C6orf47: variants seen among roughly 807,000 people sequenced by gnomAD.
C6orf47 encodes the protein chromosome 6 open reading frame 47, also known as uncharacterized protein C6orf47.
A neutral mutation model predicts 5.6 loss-of-function variants in C6orf47; 1 was observed. That is an observed-to-expected ratio of 0.18 (90% CI 0.06 to 0.85). The LOEUF (loss-of-function observed/expected upper bound fraction) is 0.85. Ranked by LOEUF, C6orf47 falls within the 40% of genes least tolerant of loss-of-function variation. The probability of loss-of-function intolerance (pLI) is 0.70; values close to 1 mark genes in which losing one functional copy is unlikely to be tolerated. For synonymous variants in C6orf47, 149 were observed against 161.7 expected (o/e 0.92, Z 0.60); for missense variants, 323 against 367.1 (o/e 0.88, Z 0.98).
rs764913985 is a variant in C6orf47 at position 31,659,012 on chromosome 6, A to T, written c.*51T>A. ...GCTTACAATTTGGGTCATGCCTCAC[A>T]CTTTTCTCCTAAAGCCCACACTCTC... On this transcript the variant is annotated 3_prime_UTR_variant, in exon 1 of 1. Transcript: ENST00000375911. The surrounding 1 kb of genome is among the most constrained non-coding windows in gnomAD (Gnocchi z 5.6). 1 of 1,569,050 alleles carries T rather than the reference A, an allele frequency of 6.4e-7. No homozygotes were observed. The highest frequency in any genetic ancestry group is 1.2e-5 in the South Asian group (1 of 85,958).
In C6orf47 at chr6:31,659,471, C is replaced by T; in HGVS notation, c.477G>A (p.Arg159=). ...GRREKLLGWL[R]GEPGAPSRYL... is the part of the protein sequence containing the mutation. ...ACCGGGAGGGAGCTCCTGGTTCCCC[C>T]CGCAGCCAGCCCAACAGCTTCTCAC... The change falls in exon 1 of 1, where the codon CGG becomes CGA. Residue 159 remains arginine, a synonymous_variant. Coordinates refer to ENST00000375911, the MANE Select transcript of C6orf47 (RefSeq NM_021184.4). This position sits in a 1 kb window ranked among gnomAD's most constrained non-coding sequence, Gnocchi z 5.6. 2 of 1,613,128 alleles carry T rather than the reference C, an allele frequency of 1.2e-6. No homozygotes were observed. The highest frequency in any genetic ancestry group is 1.7e-6 in the Non-Finnish European group (2 of 1,180,040).
In C6orf47 at chr6:31,659,672, C is replaced by T; in HGVS notation, c.276G>A (p.Lys92=). The change falls in exon 1 of 1, where the codon AAG becomes AAA. Residue 92 remains lysine, a synonymous_variant. Transcript: ENST00000375911. This position sits in a 1 kb window ranked among gnomAD's most constrained non-coding sequence, Gnocchi z 5.6. Reference sequence around the variant, plus strand: ...GAGTGCTAGAGATAGGCTGGTCCCACTTGAGGGAATCCATTCTTTTGCTCC... The same window carrying T: ...GAGTGCTAGAGATAGGCTGGTCCCATTTGAGGGAATCCATTCTTTTGCTCC... ...QLGSKRMDSL[K]WDQPISSTQE... 1 of 1,612,976 alleles carries T rather than the reference C, an allele frequency of 6.2e-7. No homozygotes were observed. Among genetic ancestry groups the T allele is most frequent in the Non-Finnish European group, 8.5e-7 (1 of 1,179,994 alleles).
At position 31,659,007 on chromosome 6, in the gene C6orf47, C is replaced by A; in HGVS notation, c.*56G>T. The A allele has an allele frequency of 1.3e-6, 2 of 1,565,208 alleles. No individual in the cohort carries two copies. Among genetic ancestry groups the A allele is most frequent in the Non-Finnish European group, 1.7e-6 (2 of 1,150,744 alleles). On this transcript the variant is annotated 3_prime_UTR_variant, in exon 1 of 1. Transcript: ENST00000375911. This position sits in a 1 kb window ranked among gnomAD's most constrained non-coding sequence, Gnocchi z 5.6. ...CCTATGCTTACAATTTGGGTCATGC[C>A]TCACACTTTTCTCCTAAAGCCCACA... is the stretch of plus-strand genomic sequence containing the variant.
Position 31,660,007 on chromosome 6 carries a change from C to T in C6orf47, c.-60G>A, listed in dbSNP as rs1800644208. Reference sequence around the variant, plus strand: ...GCTGCTTCCTGGCACTACTCAGACTCTCAGGATCTCCTCAGAAGCCAGAGT... The same window carrying T: ...GCTGCTTCCTGGCACTACTCAGACTTTCAGGATCTCCTCAGAAGCCAGAGT... On this transcript the variant is annotated 5_prime_UTR_variant, in exon 1 of 1. Transcript: ENST00000375911. This position sits in a 1 kb window ranked among gnomAD's most constrained non-coding sequence, Gnocchi z 4.7. 1.4e-6 allele frequency: 2 copies of T among 1,480,104 alleles called. No individual in the cohort carries two copies. The highest frequency in any genetic ancestry group is 1.4e-5 in the African/African-American group (1 of 70,784). The allele number at this position is 1,480,104 out of a possible 1,614,324, so 91.7% of individuals were successfully genotyped here. A position where few individuals can be genotyped will look rare whatever the true frequency, so the allele number is the denominator to read the frequency against.
At position 31,660,057 on chromosome 6, in the gene C6orf47, G is replaced by T. The variant is rs944759317; in HGVS notation, c.-110C>A. 2 of 1,248,040 alleles carry T rather than the reference G, an allele frequency of 1.6e-6. No homozygotes were observed. The highest frequency in any genetic ancestry group is 1.5e-5 in the African/African-American group (1 of 65,458). The allele number at this position is 1,248,040 out of a possible 1,614,324, so 77.3% of individuals were successfully genotyped here. On this transcript the variant is annotated 5_prime_UTR_variant, in exon 1 of 1. Transcript: ENST00000375911. The surrounding 1 kb of genome is among the most constrained non-coding windows in gnomAD (Gnocchi z 4.7). ...TCTTTCTGGCTCAGAACAGGTATTT[G>T]CCTGGTGATGCAGTCCTACTCTGAA...
chr6:31,659,782 G>A lies in C6orf47; in HGVS notation c.166C>T (p.Pro56Ser). 6.2e-7 allele frequency: 1 copy of A among 1,613,068 alleles called. No individual in the cohort carries two copies. The highest frequency in any genetic ancestry group is 1.3e-5 in the African/African-American group (1 of 75,042). ...AATGCCCCCGAGTCCTTAGTCTTGGGATGCCCCACATCTTCCATGGTTTCT... is the reference window on the plus strand; with the variant it reads ...AATGCCCCCGAGTCCTTAGTCTTGGAATGCCCCACATCTTCCATGGTTTCT... Reference protein sequence around the residue: ...APETMEDVGHPKTKDSGALRV... With the variant: ...APETMEDVGHSKTKDSGALRV... Residue 56 changes from proline (P) to serine (S), a missense_variant, in exon 1 of 1, where the codon CCC (proline) becomes TCC (serine). Pro to Ser is a moderately conservative substitution (Grantham distance 74, BLOSUM62 -1). Transcript: ENST00000375911. The surrounding 1 kb of genome is among the most constrained non-coding windows in gnomAD (Gnocchi z 5.6).
At position 31,659,848 on chromosome 6, in the gene C6orf47, T is replaced by C; in HGVS notation, c.100A>G (p.Ser34Gly). Residue 34 changes from serine (S) to glycine (G), a missense_variant, in exon 1 of 1, where the codon AGC becomes GGC. By Grantham distance (56) the Ser-to-Gly change is moderately conservative (BLOSUM62 0). Transcript: ENST00000375911. This position sits in a 1 kb window ranked among gnomAD's most constrained non-coding sequence, Gnocchi z 5.6. ...PPYPEPRRVDSSSENSGSDWD... is the reference protein window; with the variant it reads ...PPYPEPRRVDGSSENSGSDWD... Reference sequence around the variant, plus strand: ...TCACTTCCTGAATTCTCCGAGGAGCTGTCCACCCGTCTGGGTTCTGGGTAA... The same window carrying C: ...TCACTTCCTGAATTCTCCGAGGAGCCGTCCACCCGTCTGGGTTCTGGGTAA... 6.2e-7 allele frequency: 1 copy of C among 1,612,878 alleles called. No homozygotes were observed. Among genetic ancestry groups the C allele is most frequent in the South Asian group, 1.1e-5 (1 of 91,010 alleles).
Position 31,659,472 on chromosome 6 carries a change from C to A in C6orf47, c.476G>T (p.Arg159Leu). The change falls in exon 1 of 1, where the codon CGG becomes CTG. Residue 159 changes from arginine (R) to leucine (L), a missense_variant. Coordinates refer to ENST00000375911, the MANE Select transcript of C6orf47 (RefSeq NM_021184.4). The surrounding 1 kb of genome is among the most constrained non-coding windows in gnomAD (Gnocchi z 5.6). ...GRREKLLGWL[R>L]GEPGAPSRYL... is the part of the protein sequence containing the mutation. ...CCGGGAGGGAGCTCCTGGTTCCCCC[C>A]GCAGCCAGCCCAACAGCTTCTCACG... 6.2e-7 allele frequency: 1 copy of A among 1,613,122 alleles called. No individual in the cohort carries two copies. Among genetic ancestry groups the A allele is most frequent in the Non-Finnish European group, 8.5e-7 (1 of 1,180,036 alleles).
chr6:31,660,178 A>T lies in C6orf47; in HGVS notation c.-231T>A. On this transcript the variant is annotated 5_prime_UTR_variant, in exon 1 of 1. Transcript: ENST00000375911. The surrounding 1 kb of genome is among the most constrained non-coding windows in gnomAD (Gnocchi z 4.7). ...TCAGTTCTGGGGTAAAGGGGGGCAT[A>T]CCCAAATTCATTCACCATCCACACC... 2 of 558,984 alleles carry T rather than the reference A, an allele frequency of 3.6e-6. No individual in the cohort carries two copies. Among genetic ancestry groups the T allele is most frequent in the Non-Finnish European group, 3.2e-6 (1 of 311,696 alleles). 34.6% of individuals were successfully genotyped at this position (558,984 alleles called of 1,614,324 possible).
rs805263 is a variant in C6orf47, at chr6:31,660,336, A to C, written c.-389T>G. 0.049 allele frequency: 12,058 copies of C among 247,134 alleles called. 513 individuals are homozygous for C. Among genetic ancestry groups the C allele is most frequent in the African/African-American group, 0.13 (5,578 of 43,918 alleles). The allele number at this position is 247,134 out of a possible 1,614,324, so 15.3% of individuals were successfully genotyped here. Reference sequence around the variant, plus strand: ...TTTCACTCACCAAGGCCACACCCCAAGGTGTCCCAGAAACTGGGGAGGCAG... The same window carrying C: ...TTTCACTCACCAAGGCCACACCCCACGGTGTCCCAGAAACTGGGGAGGCAG... On this transcript the variant is annotated 5_prime_UTR_variant, in exon 1 of 1. Transcript: ENST00000375911. This position sits in a 1 kb window ranked among gnomAD's most constrained non-coding sequence, Gnocchi z 4.7.
rs376472034 is a variant in C6orf47 at position 31,659,137 on chromosome 6, C to T, written c.811G>A (p.Ala271Thr). 6.2e-7 allele frequency: 1 copy of T among 1,613,094 alleles called. No homozygotes were observed. Among genetic ancestry groups the T allele is most frequent in the Non-Finnish European group, 8.5e-7 (1 of 1,180,036 alleles). Residue 271 changes from alanine (A) to threonine (T), a missense_variant, in exon 1 of 1, where the codon GCC becomes ACC. Physicochemically the swap from Ala to Thr is moderately conservative, Grantham distance 58. Transcript: ENST00000375911. The surrounding 1 kb of genome is among the most constrained non-coding windows in gnomAD (Gnocchi z 5.6). ...SLREPNGDEA[A>T]TDWESEGLER... is the part of the protein sequence containing the mutation. ...AACCCCTCACTCTCCCAGTCAGTGG[C>T]CGCCTCATCCCCATTGGGCTCCCGG...
At position 31,660,137 on chromosome 6, in the gene C6orf47, G is replaced by C. The variant is rs892672059; in HGVS notation, c.-190C>G. The C allele has an allele frequency of 1.0e-5, 7 of 697,232 alleles. No individual in the cohort carries two copies. Among genetic ancestry groups the C allele is most frequent in the Non-Finnish European group, 1.7e-5 (7 of 422,218 alleles). 43.2% of individuals were successfully genotyped at this position (697,232 alleles called of 1,614,324 possible). A position where few individuals can be genotyped will look rare whatever the true frequency, so the allele number is the denominator to read the frequency against. On this transcript the variant is annotated 5_prime_UTR_variant, in exon 1 of 1. It introduces an in-frame stop codon into an upstream open reading frame of the 5' UTR. Transcript: ENST00000375911. This position sits in a 1 kb window ranked among gnomAD's most constrained non-coding sequence, Gnocchi z 4.7. ...AGTCATGCAGCCTCAAGTGTGGCAA[G>C]TAGTTTGCTTCCTCTTCAGTTCTGG... is the stretch of plus-strand genomic sequence containing the variant.
Position 31,659,658 on chromosome 6 carries a change from A to G in C6orf47, c.290T>C (p.Ile97Thr). The G allele has an allele frequency of 6.2e-7, 1 of 1,613,018 alleles. No individual in the cohort carries two copies. The highest frequency in any genetic ancestry group is 1.7e-5 in the Admixed American group (1 of 60,018). Residue 97 changes from isoleucine to threonine, a missense_variant, in exon 1 of 1, where the codon ATC becomes ACC. Physicochemically the swap from Ile to Thr is moderately conservative, Grantham distance 89. Coordinates refer to ENST00000375911, the MANE Select transcript of C6orf47 (RefSeq NM_021184.4). The surrounding 1 kb of genome is among the most constrained non-coding windows in gnomAD (Gnocchi z 5.6). ...RMDSLKWDQP[I>T]SSTQESGRLE... is the part of the protein sequence containing the mutation. ...TCTCCCAGACTCTTGAGTGCTAGAG[A>G]TAGGCTGGTCCCACTTGAGGGAATC... is the stretch of plus-strand genomic sequence containing the variant.
In C6orf47 at chr6:31,660,768, G is replaced by A. The variant is rs1026140938; in HGVS notation, c.-821C>T. 1 of 157,540 alleles carries A rather than the reference G, an allele frequency of 6.3e-6. No homozygotes were observed. The highest frequency in any genetic ancestry group is 1.5e-5 in the Non-Finnish European group (1 of 68,106). 9.8% of individuals were successfully genotyped at this position (157,540 alleles called of 1,614,324 possible). A position where few individuals can be genotyped will look rare whatever the true frequency, so the allele number is the denominator to read the frequency against. Reference sequence around the variant, plus strand: ...GGAGCCGCGAAGCCCGGAAGCAGCTGCACCAGGACTGGAAGGACCCGCGGG... The same window carrying A: ...GGAGCCGCGAAGCCCGGAAGCAGCTACACCAGGACTGGAAGGACCCGCGGG... On this transcript the variant is annotated 5_prime_UTR_variant, in exon 1 of 1. Transcript: ENST00000375911. The surrounding 1 kb of genome is among the most constrained non-coding windows in gnomAD (Gnocchi z 4.7).
Position 31,659,134 on chromosome 6 carries a change from T to G in C6orf47, c.814A>C (p.Thr272Pro). ...TCCAACCCCTCACTCTCCCAGTCAG[T>G]GGCCGCCTCATCCCCATTGGGCTCC... Reference protein sequence around the residue: ...LREPNGDEAATDWESEGLERE... With the variant: ...LREPNGDEAAPDWESEGLERE... The change falls in exon 1 of 1, where the codon ACT (threonine) becomes CCT (proline). Residue 272 changes from threonine to proline, a missense_variant. Coordinates refer to ENST00000375911, the MANE Select transcript of C6orf47 (RefSeq NM_021184.4). The surrounding 1 kb of genome is among the most constrained non-coding windows in gnomAD (Gnocchi z 5.6). 1 of 1,613,048 alleles carries G rather than the reference T, an allele frequency of 6.2e-7. No homozygotes were observed. The highest frequency in any genetic ancestry group is 1.3e-5 in the African/African-American group (1 of 75,032).
In C6orf47 at chr6:31,659,440, C is replaced by A. The variant is rs1227401478; in HGVS notation, c.508G>T (p.Gly170Trp). Residue 170 changes from glycine to tryptophan, a missense_variant, in exon 1 of 1, where the codon GGG becomes TGG. Physicochemically the swap from Gly to Trp is radical, Grantham distance 184 (BLOSUM62 -2). Transcript: ENST00000375911. The surrounding 1 kb of genome is among the most constrained non-coding windows in gnomAD (Gnocchi z 5.6). ...GEPGAPSRYL[G>W]GPEECLQIST... Reference sequence around the variant, plus strand: ...ATCTGCAGACACTCTTCTGGGCCCCCCAAGTACCGGGAGGGAGCTCCTGGT... The same window carrying A: ...ATCTGCAGACACTCTTCTGGGCCCCACAAGTACCGGGAGGGAGCTCCTGGT... 6.2e-7 allele frequency: 1 copy of A among 1,612,806 alleles called. No individual in the cohort carries two copies. Among genetic ancestry groups the A allele is most frequent in the African/African-American group, 1.3e-5 (1 of 74,878 alleles).
At position 31,659,359 on chromosome 6, in the gene C6orf47, G is replaced by A. The variant is rs758680045; in HGVS notation, c.589C>T (p.Leu197=). The A allele has an allele frequency of 2.7e-5, 43 of 1,613,018 alleles. No homozygotes were observed. The highest frequency in any genetic ancestry group is 3.2e-5 in the Non-Finnish European group (38 of 1,180,052). The change falls in exon 1 of 1, where the codon CTG becomes TTG. Residue 197 remains leucine, a synonymous_variant. Coordinates refer to ENST00000375911, the MANE Select transcript of C6orf47 (RefSeq NM_021184.4). The surrounding 1 kb of genome is among the most constrained non-coding windows in gnomAD (Gnocchi z 5.6). ...GCTGCCCGCAGTGGTCGTGAGCACAGGGCCAGCAGGGCAGAGGCCAGCAGC... is the reference window on the plus strand; with the variant it reads ...GCTGCCCGCAGTGGTCGTGAGCACAAGGCCAGCAGGGCAGAGGCCAGCAGC... ...LELLASALLA[L]CSRPLRAALD...
At position 31,658,417 on chromosome 6, in the gene C6orf47, G is replaced by T; in HGVS notation, c.*646C>A. On this transcript the variant is annotated 3_prime_UTR_variant, in exon 1 of 1. Transcript: ENST00000375911. ...AGCAAACCCCTAGCCCCCAAGTGGG[G>T]ACTACAGGCTTCAGTGCTTCCCCCA... 2.3e-6 allele frequency: 1 copy of T among 426,184 alleles called. No homozygotes were observed. Among genetic ancestry groups the T allele is most frequent in the Non-Finnish European group, 4.3e-6 (1 of 232,480 alleles). The allele number at this position is 426,184 out of a possible 1,614,324, so 26.4% of individuals were successfully genotyped here.
chr6:31,658,374 G>A lies in C6orf47; in HGVS notation c.*689C>T. 1 of 523,936 alleles carries A rather than the reference G, an allele frequency of 1.9e-6. No individual in the cohort carries two copies. The highest frequency in any genetic ancestry group is 3.4e-6 in the Non-Finnish European group (1 of 291,646). The allele number at this position is 523,936 out of a possible 1,614,324, so 32.5% of individuals were successfully genotyped here. On this transcript the variant is annotated 3_prime_UTR_variant, in exon 1 of 1. Coordinates refer to ENST00000375911, the MANE Select transcript of C6orf47 (RefSeq NM_021184.4). ...TATATTTAGGATTTGATGTGACACAGTTATTTATTGCTGAGTGAGCAAACC... is the reference window on the plus strand; with the variant it reads ...TATATTTAGGATTTGATGTGACACAATTATTTATTGCTGAGTGAGCAAACC...
Sources: gnomAD v4.1 joint callset for allele counts on GRCh38, gnomAD v4.1.1 for gene constraint, Gnocchi (gnomAD v3.1) non-coding constraint, MANE v1.5 for transcripts, NCBI Gene and HGNC (gene_info 2026-07-23, HGNC 2026-07-21) for gene names.